The following DLG2 variants were observed in gnomAD, a reference collection of about 807,000 sequenced individuals.
The protein encoded by DLG2 is disks large homolog 2.
Under a neutral mutation model 132.5 loss-of-function variants are expected in DLG2, and 45 were observed. The ratio of observed to expected loss-of-function variants is 0.34; its 90% CI spans 0.27 to 0.44. The LOEUF (loss-of-function observed/expected upper bound fraction) is 0.44. DLG2 is among the 20% of genes least tolerant of loss of function. DLG2 has a pLI of 1.00. For missense variants in DLG2, 1,045 were observed against 1,196.9 expected, an observed-to-expected ratio of 0.87 and a Z score of 1.87; for synonymous variants, 424 against 419.6, an observed-to-expected ratio of 1.01 and a Z score of -0.13.
intron 3 of DLG2, among the ~76,000 whole-genome samples, chr11:85,493,868 A>G (rs948071959): frequency 5.9e-5 from 9 of 152,066 alleles, no homozygotes; most frequent in African/African-American, 7.2e-5. Context: ...GGAAAGAAAG[A>G]AAAAGAAAAA....
At chr11:85,519,083 A>C (rs2094226457) in intron 3 of DLG2, among the ~76,000 whole-genome samples, 1 of 152,060 alleles carries the variant, frequency 6.6e-6, no homozygotes, top group Admixed American at 6.6e-5. Flanking sequence ...CCTCATGGAG[A>C]ACCTCCACTA....
chr11:83,786,385 G>A (rs1234485496), intron 18 of DLG2: 3 of 265,736 alleles, frequency 1.1e-5, no homozygotes, highest in Non-Finnish European at 2.2e-5. Context: ...TGTTTTTACA[G>A]TATCCATTGG....
intron 6 of DLG2, among the ~76,000 whole-genome samples, chr11:84,618,721 C>T (rs1359479891): frequency 6.6e-6 from 1 of 151,974 alleles, no homozygotes. Context: ...CCTGAAAATT[C>T]CCACTATTTA....
At chr11:84,536,625 G>C (rs2099356214) in intron 6 of DLG2, among the ~76,000 whole-genome samples, 1 of 152,076 alleles carries the variant, frequency 6.6e-6, no homozygotes, top group Admixed American at 6.5e-5. Context: ...AGTTTCTCTG[G>C]CTTTCAACCC....
chr11:84,430,621 A>C (rs1350686395), intron 7 of DLG2, among the ~76,000 whole-genome samples: 1 of 152,058 alleles, frequency 6.6e-6, no homozygotes, highest in Admixed American at 6.6e-5. Context: ...GTGACCAACT[A>C]TCTTGCCCTC....
Position 85,298,431 on chromosome 11 carries a change from A to ATC in DLG2, c.41-13068_41-13067dup, listed in dbSNP as rs2079378763. ...TGAACATCATAAGTAAATGCAGCAA[A>ATC]TCTAATTACGTGCCACCTGATAGGA... On this transcript the variant is annotated intron_variant, in intron 3 of 27. Coordinates refer to ENST00000376104, the MANE Select transcript of DLG2 (RefSeq NM_001142699.3). 2.6e-5 allele frequency among the ~76,000 whole-genome samples: 4 copies of ATC among 152,156 alleles called. No homozygotes were observed. In the South Asian group the frequency reaches 8.3e-4, roughly 31 times the overall value.
At chr11:85,503,853 G>A (rs2153136281) in intron 3 of DLG2, among the ~76,000 whole-genome samples, 1 of 152,152 alleles carries the variant, frequency 6.6e-6, no homozygotes, top group Non-Finnish European at 1.5e-5. Flanking sequence ...GATCACTTGA[G>A]CCCTGGAGAT....
chr11:85,111,066 T>C (rs1188310164), intron 6 of DLG2, among the ~76,000 whole-genome samples: 1 of 152,072 alleles, frequency 6.6e-6, no homozygotes, highest in Non-Finnish European at 1.5e-5. Flanking sequence ...AAAGGAGAAG[T>C]AGGATGTCTG....
At chr11:83,847,106 A>G (rs1436201988) in intron 16 of DLG2, among the ~76,000 whole-genome samples, 1 of 152,150 alleles carries the variant, frequency 6.6e-6, no homozygotes, top group Non-Finnish European at 1.5e-5. Context: ...TATAAAAGGA[A>G]TGTTTTTTGA....
chr11:85,498,186 T>C (rs976934540), intron 3 of DLG2, among the ~76,000 whole-genome samples: 3 of 152,136 alleles, frequency 2.0e-5, no homozygotes, highest in Non-Finnish European at 4.4e-5. Flanking sequence ...AGGAGACTCA[T>C]CTGATGTGCA....
chr11:83,740,093 T>A (rs1056384855), intron 18 of DLG2, among the ~76,000 whole-genome samples: 3 of 152,150 alleles, frequency 2.0e-5, no homozygotes, highest in African/African-American at 7.2e-5. Context: ...AAATTCATCT[T>A]CACTTTGCAA....
At chr11:85,532,186 T>G (rs903833053) in intron 3 of DLG2, among the ~76,000 whole-genome samples, 1 of 152,228 alleles carries the variant, frequency 6.6e-6, no homozygotes, top group African/African-American at 2.4e-5. Context: ...AAAGTGGTCT[T>G]ACGTATGAAA....
intron 15 of DLG2, among the ~76,000 whole-genome samples, chr11:83,926,730 T>C (rs1400092127): frequency 6.6e-6 from 1 of 152,102 alleles, no homozygotes; most frequent in African/African-American, 2.4e-5. Context: ...GGTTTTTCTA[T>C]CTAATTCTAA....
chr11:84,223,860 T>G (rs76604904), intron 8 of DLG2, among the ~76,000 whole-genome samples: 20 of 152,210 alleles, frequency 1.3e-4, no homozygotes, highest in African/African-American at 4.6e-4. Flanking sequence ...CTGGCAAAAA[T>G]TATGCACCTT....
intron 11 of DLG2, among the ~76,000 whole-genome samples, chr11:84,050,397 C>G (rs548059732): frequency 2.0e-5 from 3 of 151,720 alleles, no homozygotes; most frequent in African/African-American, 2.4e-5. Context: ...TGTTGGAGTT[C>G]ATTGTAGATT....
intron 18 of DLG2, among the ~76,000 whole-genome samples, chr11:83,664,836 T>C (rs1282856952): frequency 6.6e-6 from 1 of 152,200 alleles, no homozygotes; most frequent in East Asian, 1.9e-4. Flanking sequence ...TGAAAGCTCA[T>C]GAAGCCAGCA....
At chr11:83,619,737 G>A (rs2061354054) in intron 19 of DLG2, among the ~76,000 whole-genome samples, 1 of 152,094 alleles carries the variant, frequency 6.6e-6, no homozygotes, top group Non-Finnish European at 1.5e-5. Context: ...AAAGAGAAAA[G>A]TTATCTTATG....
chr11:83,654,507 A>G (rs1240629204), intron 18 of DLG2, among the ~76,000 whole-genome samples: 15 of 151,908 alleles, frequency 9.9e-5, no homozygotes, highest in Admixed American at 9.8e-4. Flanking sequence ...AACAATTACC[A>G]TTTTCTCTTC....
chr11:83,907,992 C>T (rs1250468198), intron 15 of DLG2, among the ~76,000 whole-genome samples: 1 of 152,104 alleles, frequency 6.6e-6, no homozygotes, highest in Non-Finnish European at 1.5e-5. Flanking sequence ...TGGCAACTGT[C>T]ATGTTATATT....
Sources: gnomAD v4.1 joint callset for allele counts (sites outside exome capture counted in the v4.1 genomes callset) on GRCh38, gnomAD v4.1.1 for gene constraint, MANE v1.5 for transcripts, NCBI Gene and HGNC (gene_info 2026-07-23, HGNC 2026-07-21) for gene names.